UNC79: variants seen among roughly 807,000 people sequenced by gnomAD.
UNC79 encodes unc-79 subunit of NALCN channel complex.
In UNC79, 37 loss-of-function variants were observed where a neutral mutation model predicts 283.1. The observed-to-expected ratio is 0.13, with a 90% CI of 0.10 to 0.17. The LOEUF is 0.17. Ranked by LOEUF, UNC79 falls within the 10% of genes least tolerant of loss-of-function variation. The pLI is 1.00. For missense variants in UNC79, 2,272 were observed against 3,211.1 expected (o/e 0.71, Z 7.07); for synonymous variants, 1,107 against 1,200.2 (o/e 0.92, Z 1.61).
chr14:93,702,241 G>GT, intron 47 of UNC79, among the ~76,000 whole-genome samples: 1 of 152,186 alleles, frequency 6.6e-6, no homozygotes, highest in Non-Finnish European at 1.5e-5. Context: ...ACCAATCTTT[G>GT]TAATCCCACC....
exon 30 of UNC79, chr14:93,622,258 C>T (rs777702224): frequency 2.5e-6 from 4 of 1,614,156 alleles, no homozygotes; most frequent in African/African-American, 1.3e-5. Flanking sequence ...GCCATCCCTC[C>T]GTCCTCAGCC....
At chr14:93,482,383 T>G (rs2058187444) in intron 4 of UNC79, among the ~76,000 whole-genome samples, 1 of 152,210 alleles carries the variant, frequency 6.6e-6, no homozygotes, top group Admixed American at 6.5e-5. Flanking sequence ...TCTGCAAATA[T>G]TTTAATGCTG....
At chr14:93,706,897 C>T (rs1272360092) in exon 49 of UNC79, 1 of 1,614,070 alleles carries the variant, frequency 6.2e-7, no homozygotes, top group Admixed American at 1.7e-5. Context: ...CAATTTTATC[C>T]TCTATGAGTG....
At chr14:93,347,955 G>A in intron 1 of UNC79, 2 of 882,430 alleles carry the variant, frequency 2.3e-6, no homozygotes, top group Non-Finnish European at 3.8e-6. Flanking sequence ...TTTTTTTTAA[G>A]CACTTTTTGT....
intron 27 of UNC79, among the ~76,000 whole-genome samples, chr14:93,616,185 TTTTG>T (rs973320894): frequency 1.3e-4 from 20 of 152,230 alleles, no homozygotes; most frequent in African/African-American, 4.3e-4. Flanking sequence ...ACAAACAGTA[TTTTG>T]TTTATCTAAT....
chr14:93,394,813 G>A (rs1171222286), intron 1 of UNC79, among the ~76,000 whole-genome samples: 2 of 152,214 alleles, frequency 1.3e-5, no homozygotes, highest in Non-Finnish European at 2.9e-5. Context: ...TTGAGCTCAA[G>A]CAATCCTTTC....
chr14:93,585,680 T>C (rs538732258), intron 20 of UNC79, among the ~76,000 whole-genome samples: 1 of 152,300 alleles, frequency 6.6e-6, no homozygotes, highest in South Asian at 2.1e-4. Flanking sequence ...TGAATTCTTT[T>C]CTCTAGCATG....
intron 7 of UNC79, among the ~76,000 whole-genome samples, chr14:93,519,097 T>C (rs981457854): frequency 1.3e-4 from 20 of 151,898 alleles, no homozygotes; most frequent in Non-Finnish European, 1.9e-4. Context: ...TGTCTGCTTG[T>C]TTTATCAGTT....
chr14:93,352,546 A>G (rs2053998427), intron 1 of UNC79, among the ~76,000 whole-genome samples: 1 of 152,156 alleles, frequency 6.6e-6, no homozygotes, highest in African/African-American at 2.4e-5. Flanking sequence ...CTGTCTCATT[A>G]ATTTTACACT....
chr14:93,580,624 T>C (rs1234482196), intron 19 of UNC79, among the ~76,000 whole-genome samples: 1 of 152,236 alleles, frequency 6.6e-6, no homozygotes, highest in African/African-American at 2.4e-5. Flanking sequence ...TCCATTCATA[T>C]GGTTCCATGC....
At chr14:93,444,969 T>C (rs528236215) in intron 1 of UNC79, among the ~76,000 whole-genome samples, 145 of 152,222 alleles carry the variant, frequency 9.5e-4, no homozygotes, top group Non-Finnish European at 1.4e-3. Context: ...GAATGACACA[T>C]ATGTAAACTT....
chr14:93,347,272 C>G, intron 1 of UNC79: 3 of 1,603,782 alleles, frequency 1.9e-6, no homozygotes, highest in Middle Eastern at 1.7e-4. Context: ...ACGCGATATG[C>G]CTCTCCTGCG....
At position 93,648,296 on chromosome 14, in the gene UNC79, GAA is replaced by G. The variant is rs572465546; in HGVS notation, c.6083+1657_6083+1658del. 5.0e-3 allele frequency among the ~76,000 whole-genome samples: 758 copies of G among 152,032 alleles called. 8 individuals carry two copies. The highest frequency in any genetic ancestry group is 0.017 in the African/African-American group (724 of 41,502). ...ACACAATAAAATAAATCTTTTTAAG[GAA>G]AAAAAATTTTGAGGACCCCTCTGGC... On this transcript the variant is annotated intron_variant, in intron 35 of 48. Coordinates refer to ENST00000555664, the Ensembl canonical transcript of UNC79.
chr14:93,646,481 G>A, intron 34 of UNC79, 127 bp from the exon 38 acceptor site: 1 of 885,782 alleles, frequency 1.1e-6, no homozygotes, highest in Non-Finnish European at 1.8e-6. Context: ...TACTGTCAAG[G>A]GAATTGTCAA....
chr14:93,422,074 A>G (rs1004762676), intron 1 of UNC79, among the ~76,000 whole-genome samples: 2 of 151,856 alleles, frequency 1.3e-5, no homozygotes, highest in African/African-American at 2.4e-5. Context: ...GAACACACCC[A>G]TGACACACCC....
intron 18 of UNC79, among the ~76,000 whole-genome samples, chr14:93,579,384 A>G (rs190290142): frequency 3.3e-5 from 5 of 152,316 alleles, no homozygotes; most frequent in Admixed American, 2.6e-4. Flanking sequence ...TGACTCATCA[A>G]TTATTACTAT....
rs553587423 is a variant in UNC79, at chr14:93,471,359, CA to C, written c.144-2729del. ...AACTTCTCATCTTTCCTCACACCAA[CA>C]GAGGTCTTCCTCTCTTGATGCTGAA... is the stretch of plus-strand genomic sequence containing the variant. On this transcript the variant is annotated intron_variant, in intron 2 of 48. Coordinates refer to ENST00000555664, the Ensembl canonical transcript of UNC79. Among the ~76,000 whole-genome samples, 290 of 152,288 alleles carry C rather than the reference CA, an allele frequency of 1.9e-3. 2 individuals are homozygous for C. The highest frequency in any genetic ancestry group is 6.6e-3 in the African/African-American group (275 of 41,572).
intron 1 of UNC79, chr14:93,347,530 G>A: frequency 9.0e-7 from 1 of 1,115,458 alleles, no homozygotes; most frequent in Non-Finnish European, 1.2e-6. Context: ...GCCGTTGGGG[G>A]AGGTTCCTGT....
exon 38 of UNC79, chr14:93,655,345 A>T: frequency 6.2e-7 from 1 of 1,614,158 alleles, no homozygotes; most frequent in African/African-American, 1.3e-5. Flanking sequence ...TAGCCTCTGG[A>T]CCACAATTAG....
Sources: gnomAD v4.1 joint callset for allele counts (sites outside exome capture counted in the v4.1 genomes callset) on GRCh38, gnomAD v4.1.1 for gene constraint, MANE v1.5 for transcripts, NCBI Gene and HGNC (gene_info 2026-07-23, HGNC 2026-07-21) for gene names.